ETAA1: variants seen among roughly 807,000 people sequenced by gnomAD.
The protein encoded by ETAA1 is ewing's tumor-associated antigen 1.
Under a neutral mutation model 76.8 loss-of-function variants are expected in ETAA1, and 49 were observed. The ratio of observed to expected loss-of-function variants is 0.64; its 90% CI spans 0.51 to 0.81. ETAA1 has a LOEUF of 0.81. Among genes scored for constraint, ETAA1 ranks in the 30% least tolerant of loss-of-function variants. The pLI is 0.00. For synonymous variants in ETAA1, 373 were observed against 372.2 expected (o/e 1.00, Z -0.03); for missense variants, 1,099 against 1,074.0 (o/e 1.02, Z -0.32).
intron 1 of ETAA1, 120 bp downstream of exon 1, chr2:67,397,791 C>G: frequency 9.5e-7 from 1 of 1,055,298 alleles, no homozygotes; most frequent in East Asian, 2.6e-5. Flanking sequence ...CTCTGGGATT[C>G]ACCCCTCGAG....
At chr2:67,401,764 G>A (rs1676063261) in intron 3 of ETAA1, 1 of 151,810 alleles carries the variant, frequency 6.6e-6, no homozygotes, top group African/African-American at 2.4e-5. Context: ...CAAGATTGTT[G>A]AAATAAAAGG....
intron 1 of ETAA1, among the ~76,000 whole-genome samples, chr2:67,398,006 TA>T (rs1338393876): frequency 6.6e-6 from 1 of 152,232 alleles, no homozygotes; most frequent in African/African-American, 2.4e-5. Flanking sequence ...ATAGGCCCGC[TA>T]ACCTCAGTTT....
rs536789341 is a variant in ETAA1 at position 67,406,373 on chromosome 2, A to G, written c.2653+1038A>G. ...TTTCTTACATCTCAGTATAAGTACT[A>G]CTTTCTCACAGAGGCCTTCCTTGAA... On this transcript the variant is annotated intron_variant, in intron 5 of 5. Coordinates refer to ENST00000272342, the MANE Select transcript of ETAA1 (RefSeq NM_019002.4). Among the ~76,000 whole-genome samples, 92 of 152,208 alleles carry G rather than the reference A, an allele frequency of 6.0e-4. 2 individuals are homozygous for G. The highest frequency in any genetic ancestry group is 1.0e-3 in the African/African-American group (42 of 41,550).
intron 5 of ETAA1, among the ~76,000 whole-genome samples, chr2:67,406,725 C>A (rs956430397): frequency 6.6e-6 from 1 of 151,632 alleles, no homozygotes; most frequent in Non-Finnish European, 1.5e-5. Context: ...TGTGTATGTA[C>A]GTATATATGT....
chr2:67,406,066 A>G (rs1676210700), intron 5 of ETAA1, among the ~76,000 whole-genome samples: 1 of 152,104 alleles, frequency 6.6e-6, no homozygotes, highest in South Asian at 2.1e-4. Context: ...ATGGGCAAAA[A>G]TGGCGTTTCT....
At position 67,404,378 on chromosome 2, in the gene ETAA1, A is replaced by G. The variant is rs767351703; in HGVS notation, c.1696A>G (p.Asn566Asp). 6.2e-6 allele frequency: 10 copies of G among 1,613,208 alleles called. No individual in the cohort carries two copies. Among genetic ancestry groups the G allele is most frequent in the Non-Finnish European group, 6.8e-6 (8 of 1,179,486 alleles). ...CAGTAAAACCAGTGTTAGTAACCCAAATCAGACTAGTGCATCAAAAGTAGG... is the reference window on the plus strand; with the variant it reads ...CAGTAAAACCAGTGTTAGTAACCCAGATCAGACTAGTGCATCAAAAGTAGG... ...LGSKTSVSNP[N>D]QTSASKVGSF... is the part of the protein sequence containing the mutation. Residue 566 changes from asparagine (N) to aspartate (D), a missense_variant, in exon 5 of 6, where the codon AAT (asparagine) becomes GAT (aspartate). Asn to Asp is a conservative substitution (Grantham distance 23). This residue lies in a region of ETAA1 where 761 missense variants were observed against 731.9 expected (regional missense o/e 1.04). Coordinates refer to ENST00000272342, the MANE Select transcript of ETAA1 (RefSeq NM_019002.4).
rs1355908657 is a variant in ETAA1, at chr2:67,397,490, G to A, written c.42G>A (p.Lys14=). 6.2e-7 allele frequency: 1 copy of A among 1,603,592 alleles called. No individual in the cohort carries two copies. Among genetic ancestry groups the A allele is most frequent in the Admixed American group, 1.7e-5 (1 of 58,764 alleles). ...AACATGATGACAGCCCTAGCCCGAA[G>A]AAAACGCCGCACAAAACAGTGGCGG... ...RRKHDDSPSP[K]KTPHKTVAAE... is the part of the protein sequence containing the mutation. The change falls in exon 1 of 6, where the codon AAG becomes AAA. Residue 14 remains lysine (K), a synonymous_variant. Transcript: ENST00000272342.
At position 67,399,300 on chromosome 2, in the gene ETAA1, A is replaced by G. The variant is rs756170422; in HGVS notation, c.352+3A>G. On this transcript the variant is annotated splice_donor_region_variant and intron_variant, in intron 2 of 5. Transcript: ENST00000272342. ...TTCTCCATTGACAAAGCAGTTAGGT[A>G]ATTAATTATTAACATTTTTTATGTG... The G allele has an allele frequency of 2.5e-6, 4 of 1,601,294 alleles. No homozygotes were observed. In the Admixed American group the frequency reaches 5.2e-5, roughly 21 times the overall value.
chr2:67,405,436 CTA>C, intron 5 of ETAA1, 101 bp downstream of exon 5: 1 of 847,286 alleles, frequency 1.2e-6, no homozygotes, highest in South Asian at 2.4e-5. Context: ...TAAGGTAAAA[CTA>C]TTCTATGACT....
chr2:67,403,055 A>C, intron 4 of ETAA1, 81 bp downstream of exon 4: 2 of 1,266,664 alleles, frequency 1.6e-6, no homozygotes, highest in Middle Eastern at 2.0e-4. Context: ...TTTTGTGAAT[A>C]TATCAAAATT....
intron 1 of ETAA1, 132 bp downstream of exon 1, chr2:67,397,803 G>A (rs2103736400): frequency 3.3e-6 from 3 of 917,464 alleles, no homozygotes; most frequent in African/African-American, 1.6e-5. Context: ...CCCCTCGAGA[G>A]TCCAAAAATA....
At chr2:67,407,397 C>G (rs1676249622) in intron 5 of ETAA1, among the ~76,000 whole-genome samples, 2 of 151,992 alleles carry the variant, frequency 1.3e-5, no homozygotes, top group Non-Finnish European at 2.9e-5. Context: ...ATAGCCCAAA[C>G]TAGATATTTT....
chr2:67,398,997 G>A (rs1423906424), intron 1 of ETAA1, among the ~76,000 whole-genome samples, 172 bp from the exon 2 acceptor site: 8 of 152,176 alleles, frequency 5.3e-5, no homozygotes, highest in Admixed American at 3.3e-4. Flanking sequence ...GAAGTGCCGC[G>A]TGGATTTTTA....
intron 1 of ETAA1, 46 bp downstream of exon 1, chr2:67,397,717 C>G (rs764943266): frequency 2.4e-5 from 36 of 1,516,702 alleles, no homozygotes; most frequent in Non-Finnish European, 2.9e-5. Context: ...GCGCCGCATC[C>G]CCACATCCCA....
chr2:67,408,658 A>G (rs1676283822), intron 5 of ETAA1, among the ~76,000 whole-genome samples: 1 of 152,182 alleles, frequency 6.6e-6, no homozygotes, highest in Non-Finnish European at 1.5e-5. Flanking sequence ...GAGTTAAAGG[A>G]AAGACTGATG....
chr2:67,404,257 C>A lies in ETAA1; in HGVS notation c.1575C>A (p.Asn525Lys), dbSNP rs184407723. ...TEASERKSAL[N>K]TRYSNEQKNK... ...CTTCTGAAAGGAAGTCAGCTTTGAA[C>A]ACAAGGTATTCTAATGAACAGAAAA... Residue 525 changes from asparagine to lysine, a missense_variant, in exon 5 of 6, where the codon AAC becomes AAA. Coordinates refer to ENST00000272342, the MANE Select transcript of ETAA1 (RefSeq NM_019002.4). 3.4e-5 allele frequency: 55 copies of A among 1,612,328 alleles called. No homozygotes were observed. The highest frequency in any genetic ancestry group is 4.0e-5 in the Non-Finnish European group (47 of 1,179,162).
chr2:67,397,714 A>T (rs1232294994), intron 1 of ETAA1, 43 bp downstream of exon 1: 25 of 1,518,166 alleles, frequency 1.6e-5, no homozygotes, highest in Non-Finnish European at 2.1e-5. Context: ...TCGGCGCCGC[A>T]TCCCCACATC....
chr2:67,405,273 A>G lies in ETAA1; in HGVS notation c.2591A>G (p.Glu864Gly). The G allele has an allele frequency of 1.3e-6, 2 of 1,596,830 alleles. No homozygotes were observed. Among genetic ancestry groups the G allele is most frequent in the South Asian group, 2.3e-5 (2 of 88,398 alleles). ...AAGAAAGGTGTCAACCCATTACTGGAGGAAGCTGTTGGACAGCAATCTTTG... is the reference window on the plus strand; with the variant it reads ...AAGAAAGGTGTCAACCCATTACTGGGGGAAGCTGTTGGACAGCAATCTTTG... ...EKKKGVNPLLEEAVGQQSLVK... is the reference protein window; with the variant it reads ...EKKKGVNPLLGEAVGQQSLVK... The change falls in exon 5 of 6, where the codon GAG becomes GGG. Residue 864 changes from glutamate to glycine, a missense_variant. Transcript: ENST00000272342.
At chr2:67,397,972 T>C (rs1005974523) in intron 1 of ETAA1, among the ~76,000 whole-genome samples, 4 of 152,250 alleles carry the variant, frequency 2.6e-5, no homozygotes, top group Middle Eastern at 6.8e-3. Context: ...TCAGCAGCAG[T>C]GGTGGAGTGA....
Sources: gnomAD v4.1 joint callset for allele counts (sites outside exome capture counted in the v4.1 genomes callset) on GRCh38, gnomAD v4.1.1 for gene constraint, gnomAD v4.1.1 regional missense constraint, MANE v1.5 for transcripts, NCBI Gene and HGNC (gene_info 2026-07-23, HGNC 2026-07-21) for gene names.